Variants in NFASC observed in about 807,000 individuals in gnomAD.
The protein encoded by NFASC is neurofascin.
A neutral mutation model predicts 147.5 loss-of-function variants in NFASC; 43 were observed. The observed-to-expected ratio is 0.29, with a 90% confidence interval of 0.23 to 0.38. The LOEUF is 0.38. Ranked by LOEUF, NFASC falls within the 10% of genes least tolerant of loss-of-function variation. The pLI is 1.00. For synonymous variants in NFASC, 622 were observed against 665.5 expected (o/e 0.93, Z 1.01); for missense variants, 1,320 against 1,689.0 (o/e 0.78, Z 3.83).
At chr1:204,958,878 G>T (rs1015489000) in intron 8 of NFASC, among the ~76,000 whole-genome samples, 1 of 152,112 alleles carries the variant, frequency 6.6e-6, no homozygotes, top group Non-Finnish European at 1.5e-5. Flanking sequence ...GTTCAGGTGA[G>T]ATCACTTCTC....
At chr1:204,893,743 A>C (rs922668396) in intron 1 of NFASC, among the ~76,000 whole-genome samples, 60 of 152,222 alleles carry the variant, frequency 3.9e-4, no homozygotes, top group African/African-American at 1.3e-3. Context: ...CTGCTCTGGC[A>C]GTTTTAGGCT....
chr1:204,839,605 G>A (rs1558480067), intron 1 of NFASC, among the ~76,000 whole-genome samples: 1 of 152,166 alleles, frequency 6.6e-6, no homozygotes, highest in African/African-American at 2.4e-5. Flanking sequence ...TGCCTTTATG[G>A]TTGGTCAGGC....
intron 1 of NFASC, among the ~76,000 whole-genome samples, chr1:204,866,082 A>G (rs144097743): frequency 3.3e-5 from 5 of 152,340 alleles, no homozygotes; most frequent in African/African-American, 9.6e-5. Context: ...GCAGTCATCC[A>G]CAACTTTGCT....
rs1167454800 is a variant in NFASC at position 204,975,592 on chromosome 1, C to G, written c.1706+174C>G. On this transcript the variant is annotated intron_variant, in intron 15 of 29. Transcript: ENST00000339876. The surrounding 1 kb of genome is among the most constrained non-coding windows in gnomAD (Gnocchi z 4.0). The stretch of plus-strand genomic sequence containing the variant: ...GGCAACTCCCCTGCTTCAGGGGAGA[C>G]CCCCCCACCGACCCTGTACAACCTC... Among the ~76,000 whole-genome samples, 1 of 151,884 alleles carries G rather than the reference C, an allele frequency of 6.6e-6. No homozygotes were observed. Among genetic ancestry groups the G allele is most frequent in the African/African-American group, 2.4e-5 (1 of 41,344 alleles).
At chr1:204,888,128 T>C (rs1354172619) in intron 1 of NFASC, among the ~76,000 whole-genome samples, 1 of 152,190 alleles carries the variant, frequency 6.6e-6, no homozygotes, top group African/African-American at 2.4e-5. Context: ...CTCTCTCTGA[T>C]TTCCGTGTCA....
chr1:204,867,189 C>G (rs1020427360), intron 1 of NFASC, among the ~76,000 whole-genome samples: 2 of 152,134 alleles, frequency 1.3e-5, no homozygotes, highest in Admixed American at 6.5e-5. Flanking sequence ...GTTGGATTTG[C>G]ACATGGAAGA....
At chr1:205,011,136 A>T (rs951797905) in intron 28 of NFASC, among the ~76,000 whole-genome samples, 2 of 152,088 alleles carry the variant, frequency 1.3e-5, no homozygotes, top group African/African-American at 4.8e-5. Flanking sequence ...AGAAAGCCCC[A>T]TCACCAAACA....
chr1:204,866,939 G>A (rs1181558662), intron 1 of NFASC, among the ~76,000 whole-genome samples: 1 of 152,206 alleles, frequency 6.6e-6, no homozygotes, highest in African/African-American at 2.4e-5. Flanking sequence ...GCTTCCTGGA[G>A]GAGGTGGCAT....
intron 25 of NFASC, chr1:204,999,471 G>A (rs1204974098): frequency 6.6e-6 from 1 of 152,178 alleles, no homozygotes; most frequent in Non-Finnish European, 1.5e-5. Context: ...AGCTGAGGAG[G>A]AAGAAACTCA....
intron 1 of NFASC, among the ~76,000 whole-genome samples, chr1:204,906,951 G>A (rs2086136459): frequency 6.6e-6 from 1 of 152,168 alleles, no homozygotes; most frequent in Admixed American, 6.5e-5. Flanking sequence ...CCAAAGTGCT[G>A]GGATTGTCAT....
intron 1 of NFASC, among the ~76,000 whole-genome samples, chr1:204,863,186 C>A (rs1218618612): frequency 6.6e-6 from 1 of 152,138 alleles, no homozygotes; most frequent in Non-Finnish European, 1.5e-5. Flanking sequence ...ACAGGGTCAG[C>A]GGAATTTCAG....
At chr1:204,849,187 C>T (rs2075441479) in intron 1 of NFASC, among the ~76,000 whole-genome samples, 1 of 152,170 alleles carries the variant, frequency 6.6e-6, no homozygotes, top group Non-Finnish European at 1.5e-5. Context: ...CAGCCTCAAC[C>T]ATGTGTGTTT....
intron 1 of NFASC, among the ~76,000 whole-genome samples, chr1:204,872,869 A>G (rs570158916): frequency 1.3e-5 from 2 of 152,182 alleles, no homozygotes; most frequent in African/African-American, 2.4e-5. Context: ...GTCCTCATAT[A>G]AACCTTTCAA....
rs567723655 is a variant in NFASC at position 205,007,114 on chromosome 1, A to G, written c.3290-2443A>G. On this transcript the variant is annotated intron_variant, in intron 27 of 29. Coordinates refer to ENST00000339876, the MANE Select transcript of NFASC (RefSeq NM_001005388.3). ...AGAGCGTACCAATTAAGAGGGCAGC[A>G]TGTGAGCTGGAGCTGAAAAGTGTGG... 6.0e-5 allele frequency among the ~76,000 whole-genome samples: 9 copies of G among 150,358 alleles called. No individual in the cohort carries two copies. In the South Asian group the frequency reaches 1.7e-3, roughly 28 times the overall value.
At chr1:204,836,815 A>G (rs1346287973) in intron 1 of NFASC, among the ~76,000 whole-genome samples, 1 of 152,258 alleles carries the variant, frequency 6.6e-6, no homozygotes, top group Non-Finnish European at 1.5e-5. Flanking sequence ...AGCCTTTGTC[A>G]TCCACATTGG....
chr1:205,015,031 G>C lies in NFASC; in HGVS notation c.3492-1277G>C, dbSNP rs1195021412. On this transcript the variant is annotated intron_variant, in intron 29 of 29. Coordinates refer to ENST00000339876, the MANE Select transcript of NFASC (RefSeq NM_001005388.3). This position sits in a 1 kb window ranked among gnomAD's most constrained non-coding sequence, Gnocchi z 4.0. ...ACAGTTAGGCTGTATTCGTGGGGCA[G>C]CACTGTGGGGAGTGGGCTAATAGCT... is the stretch of plus-strand genomic sequence containing the variant. Among the ~76,000 whole-genome samples the C allele has an allele frequency of 6.6e-6, 1 of 152,136 alleles. No individual in the cohort carries two copies. Among genetic ancestry groups the C allele is most frequent in the Non-Finnish European group, 1.5e-5 (1 of 68,026 alleles).
At chr1:204,897,069 C>G (rs1335178979) in intron 1 of NFASC, among the ~76,000 whole-genome samples, 2 of 151,810 alleles carry the variant, frequency 1.3e-5, no homozygotes, top group African/African-American at 4.8e-5. Context: ...TCCCCCCGAC[C>G]CAGACATGCT....
chr1:204,934,721 C>T (rs1221699649), intron 2 of NFASC, among the ~76,000 whole-genome samples: 1 of 152,166 alleles, frequency 6.6e-6, no homozygotes, highest in Admixed American at 6.5e-5. Flanking sequence ...ATCACATTGC[C>T]GCCTGCTGGA....
At chr1:204,887,749 A>G (rs1029868691) in intron 1 of NFASC, among the ~76,000 whole-genome samples, 22 of 151,798 alleles carry the variant, frequency 1.4e-4, no homozygotes, top group Non-Finnish European at 8.8e-5. Flanking sequence ...GGTGTGTACC[A>G]CAACGCTCAG....
Sources: gnomAD v4.1 joint callset for allele counts (sites outside exome capture counted in the v4.1 genomes callset) on GRCh38, gnomAD v4.1.1 for gene constraint, Gnocchi (gnomAD v3.1) non-coding constraint, MANE v1.5 for transcripts, NCBI Gene and HGNC (gene_info 2026-07-23, HGNC 2026-07-21) for gene names.